Variants in ALCAM observed in about 807,000 individuals in gnomAD.
ALCAM encodes the protein CD166 antigen.
A neutral mutation model predicts 70.9 loss-of-function variants in ALCAM; 30 were observed. That is an observed-to-expected ratio of 0.42 (90% CI 0.32 to 0.57). The LOEUF (loss-of-function observed/expected upper bound fraction) is 0.57, where lower values mean the gene tolerates loss of function less well. Among genes scored for constraint, ALCAM ranks in the 20% least tolerant of loss-of-function variants. The pLI, the probability that ALCAM is intolerant of heterozygous loss-of-function variation, is 0.11. For missense variants in ALCAM, 591 were observed against 695.1 expected, an observed-to-expected ratio of 0.85 and a Z score of 1.68; for synonymous variants, 249 against 242.5, an observed-to-expected ratio of 1.03 and a Z score of -0.25.
intron 1 of ALCAM, among the ~76,000 whole-genome samples, chr3:105,428,499 G>T (rs1936849368): frequency 1.3e-5 from 2 of 151,528 alleles, no homozygotes; most frequent in African/African-American, 4.8e-5. Context: ...ATAAATACTA[G>T]AAATGAGTAC....
At chr3:105,519,909 C>A (rs1214702634) in intron 1 of ALCAM, among the ~76,000 whole-genome samples, 158 bp from the exon 2 acceptor site, 2 of 152,132 alleles carry the variant, frequency 1.3e-5, no homozygotes, top group Non-Finnish European at 2.9e-5. Context: ...AAAATATATT[C>A]TAGTCTCATA....
chr3:105,563,493 T>C (rs2152634557), intron 14 of ALCAM, among the ~76,000 whole-genome samples: 1 of 151,742 alleles, frequency 6.6e-6, no homozygotes, highest in Middle Eastern at 3.4e-3. Context: ...ATTCTTAGTA[T>C]TAGACTTTCT....
intron 14 of ALCAM, among the ~76,000 whole-genome samples, chr3:105,560,400 G>A (rs779096096): frequency 1.3e-4 from 19 of 151,982 alleles, no homozygotes; most frequent in Admixed American, 2.6e-4. Context: ...TTCTGTAATT[G>A]ATTTGTAAGA....
intron 3 of ALCAM, among the ~76,000 whole-genome samples, chr3:105,530,927 T>C (rs1451183496): frequency 6.6e-6 from 1 of 152,042 alleles, no homozygotes; most frequent in Non-Finnish European, 1.5e-5. Context: ...GAATTCCAAA[T>C]TGAGTAATAA....
intron 14 of ALCAM, among the ~76,000 whole-genome samples, chr3:105,559,298 T>C (rs1940584118): frequency 8.0e-6 from 1 of 124,552 alleles, no homozygotes. Context: ...TATATACATA[T>C]ATTATATATA....
intron 1 of ALCAM, among the ~76,000 whole-genome samples, chr3:105,410,014 G>A (rs1936347155): frequency 6.6e-6 from 1 of 152,012 alleles, no homozygotes. Context: ...ATGATCCATA[G>A]CTTACATTAG....
chr3:105,386,406 A>G (rs961339644), intron 1 of ALCAM, among the ~76,000 whole-genome samples: 5 of 151,590 alleles, frequency 3.3e-5, no homozygotes, highest in Non-Finnish European at 7.4e-5. Context: ...TTCCAGTTAC[A>G]GATTTCTTTG....
intron 14 of ALCAM, among the ~76,000 whole-genome samples, chr3:105,561,446 G>C (rs13079488): frequency 5.3e-5 from 8 of 151,960 alleles, no homozygotes; most frequent in African/African-American, 1.7e-4. Flanking sequence ...ACACCTTTGC[G>C]TGTTTCCAGT....
intron 1 of ALCAM, among the ~76,000 whole-genome samples, chr3:105,478,969 T>C (rs1223681957): frequency 6.6e-6 from 1 of 152,116 alleles, no homozygotes; most frequent in Admixed American, 6.6e-5. Context: ...TCCTATTTTA[T>C]TGGTGTATCA....
At chr3:105,540,601 T>C (rs192485163) in intron 7 of ALCAM, among the ~76,000 whole-genome samples, 179 of 152,110 alleles carry the variant, frequency 1.2e-3, no homozygotes, top group African/African-American at 4.2e-3. Context: ...ATATCATAGC[T>C]GAAGGAAATG....
At chr3:105,537,511 A>G (rs1489271795) in intron 6 of ALCAM, among the ~76,000 whole-genome samples, 1 of 152,042 alleles carries the variant, frequency 6.6e-6, no homozygotes, top group Non-Finnish European at 1.5e-5. Flanking sequence ...CCATGGTCCT[A>G]CAGTATGTCT....
At chr3:105,555,919 C>T (rs1418718766) in intron 14 of ALCAM, among the ~76,000 whole-genome samples, 3 of 151,592 alleles carry the variant, frequency 2.0e-5, no homozygotes, top group East Asian at 1.9e-4. Flanking sequence ...GCTTTGATGA[C>T]GAGAATAGAT....
At chr3:105,515,548 G>T (rs565283683) in intron 1 of ALCAM, among the ~76,000 whole-genome samples, 1 of 152,104 alleles carries the variant, frequency 6.6e-6, no homozygotes, top group African/African-American at 2.4e-5. Flanking sequence ...GGTTTGGTGG[G>T]CAATTTTGCC....
At chr3:105,455,633 T>C (rs1365968738) in intron 1 of ALCAM, among the ~76,000 whole-genome samples, 1 of 152,146 alleles carries the variant, frequency 6.6e-6, no homozygotes, top group African/African-American at 2.4e-5. Flanking sequence ...AGACAAGGAC[T>C]GGGCGGAAGT....
chr3:105,560,985 T>C (rs1160014781), intron 14 of ALCAM, among the ~76,000 whole-genome samples: 5 of 152,222 alleles, frequency 3.3e-5, no homozygotes, highest in Non-Finnish European at 7.3e-5. Context: ...TGAATTTGGG[T>C]AGATTTGACA....
intron 1 of ALCAM, among the ~76,000 whole-genome samples, chr3:105,399,322 G>A (rs1397597733): frequency 6.6e-6 from 1 of 151,832 alleles, no homozygotes; most frequent in Admixed American, 6.6e-5. Context: ...CTTTCTAAAA[G>A]CTAGTGCAGT....
intron 1 of ALCAM, among the ~76,000 whole-genome samples, chr3:105,458,889 C>T (rs1011750709): frequency 6.6e-6 from 1 of 152,084 alleles, no homozygotes; most frequent in Non-Finnish European, 1.5e-5. Flanking sequence ...CTGTCATTAC[C>T]CTTCTAATCC....
At chr3:105,554,655 A>G (rs1025490988) in intron 14 of ALCAM, among the ~76,000 whole-genome samples, 4 of 151,978 alleles carry the variant, frequency 2.6e-5, no homozygotes, top group African/African-American at 9.7e-5. Context: ...GTTTGTGTCC[A>G]TGGCATCTAT....
At chr3:105,379,337 T>C (rs921984287) in intron 1 of ALCAM, among the ~76,000 whole-genome samples, 2 of 151,886 alleles carry the variant, frequency 1.3e-5, no homozygotes, top group African/African-American at 4.8e-5. Context: ...ATTTTGGGCT[T>C]CCATAACTAA....
Sources: gnomAD v4.1 joint callset for allele counts (sites outside exome capture counted in the v4.1 genomes callset) on GRCh38, gnomAD v4.1.1 for gene constraint, MANE v1.5 for transcripts, NCBI Gene and HGNC (gene_info 2026-07-23, HGNC 2026-07-21) for gene names.